The following TXNRD1 variants were observed in gnomAD, a reference collection of about 807,000 sequenced individuals.
TXNRD1 encodes thioredoxin reductase 1, cytoplasmic.
A neutral mutation model predicts 80.3 loss-of-function variants in TXNRD1; 57 were observed. The observed-to-expected ratio is 0.71, with a 90% CI of 0.57 to 0.89. The LOEUF (loss-of-function observed/expected upper bound fraction) is 0.89. TXNRD1 is among the 40% of genes least tolerant of loss of function. The probability of loss-of-function intolerance (pLI) is 0.00; values close to 1 mark genes in which losing one functional copy is unlikely to be tolerated. For synonymous variants in TXNRD1, 291 were observed against 285.2 expected (o/e 1.02, Z -0.20); for missense variants, 730 against 803.0 (o/e 0.91, Z 1.10).
At chr12:104,314,738 C>CT (rs11330431) in intron 6 of TXNRD1, among the ~76,000 whole-genome samples, 2,060 of 103,658 alleles carry the variant, frequency 0.02, 38 homozygotes, top group African/African-American at 0.035. Flanking sequence ...AAATTTTTTT[C>CT]TTTTTTTTTT....
At position 104,304,242 on chromosome 12, in the gene TXNRD1, A is replaced by T. The variant is rs1414653712; in HGVS notation, c.415-7048A>T. 1.2e-6 allele frequency: 2 copies of T among 1,614,048 alleles called. No homozygotes were observed. The highest frequency in any genetic ancestry group is 1.7e-6 in the Non-Finnish European group (2 of 1,179,906). ...ATGGCTTCTGATTTGGGTAAAGAAA[A>T]GGCAAAGCAGTTAAACTCAGATATG... On this transcript the variant is annotated intron_variant, in intron 4 of 16. Coordinates refer to ENST00000525566, the MANE Select transcript of TXNRD1 (RefSeq NM_001093771.3).
chr12:104,222,236 C>T (rs924072930), intron 1 of TXNRD1, among the ~76,000 whole-genome samples: 5 of 152,124 alleles, frequency 3.3e-5, no homozygotes, highest in Non-Finnish European at 7.3e-5. Context: ...AAGATGGTGT[C>T]TTTTGAATGT....
At chr12:104,256,787 AAAAAG>A (rs1344779820) in intron 2 of TXNRD1, among the ~76,000 whole-genome samples, 4 of 149,094 alleles carry the variant, frequency 2.7e-5, no homozygotes, top group Admixed American at 6.7e-5. Context: ...AAAAAAAAAA[AAAAAG>A]AAAAAGAAAA....
chr12:104,347,662 G>T (rs192098851), intron 16 of TXNRD1, among the ~76,000 whole-genome samples: 1 of 152,328 alleles, frequency 6.6e-6, no homozygotes, highest in Admixed American at 6.5e-5. Flanking sequence ...GCAACAGCTT[G>T]GATGGCCAGC....
chr12:104,327,523 A>C lies in TXNRD1; in HGVS notation c.1394A>C (p.Lys465Thr). 6.2e-7 allele frequency: 1 copy of C among 1,611,762 alleles called. No homozygotes were observed. The highest frequency in any genetic ancestry group is 1.3e-5 in the African/African-American group (1 of 74,992). Residue 465 changes from lysine to threonine, a missense_variant, in exon 13 of 17, where the codon AAA (lysine) becomes ACA (threonine). Coordinates refer to ENST00000525566, the MANE Select transcript of TXNRD1 (RefSeq NM_001093771.3). Reference protein sequence around the residue: ...VGVKINEKTGKIPVTDEEQTN... With the variant: ...VGVKINEKTGTIPVTDEEQTN... ...ACTGAATAAAATTGCAGGACTGGAAAAATACCTGTCACAGATGAAGAACAG... is the reference window on the plus strand; with the variant it reads ...ACTGAATAAAATTGCAGGACTGGAACAATACCTGTCACAGATGAAGAACAG...
chr12:104,267,699 T>TTCTTTCTTTCTTTCTTTCTTTCTCTCTC (rs1555209251), intron 3 of TXNRD1, among the ~76,000 whole-genome samples: 1 of 46,416 alleles, frequency 2.2e-5, no homozygotes, highest in African/African-American at 7.3e-5. Flanking sequence ...CTTTCTTTCT[T>TTCTTTCTTTCTTTCTTTCTTTCTCTCTC]TCTCTCTTTC....
rs2035521318 is a variant in TXNRD1, at chr12:104,321,277, A to T, written c.1176A>T (p.Glu392Asp). ...MANKIGEHMEEHGIKFIRQFV... is the reference protein window; with the variant it reads ...MANKIGEHMEDHGIKFIRQFV... The stretch of plus-strand genomic sequence containing the variant: ...ACAAAATTGGTGAACACATGGAAGA[A>T]CATGGCATCAAGTTTATAAGACAGT... Residue 392 changes from glutamate (E) to aspartate (D), a missense_variant, in exon 10 of 17, where the codon GAA (glutamate) becomes GAT (aspartate). Physicochemically the swap from Glu to Asp is conservative, Grantham distance 45 (BLOSUM62 2). Transcript: ENST00000525566. 1 of 1,613,872 alleles carries T rather than the reference A, an allele frequency of 6.2e-7. No homozygotes were observed. Among genetic ancestry groups the T allele is most frequent in the African/African-American group, 1.3e-5 (1 of 74,930 alleles).
chr12:104,317,365 C>A (rs1219777582), intron 7 of TXNRD1, among the ~76,000 whole-genome samples: 1 of 116,304 alleles, frequency 8.6e-6, no homozygotes. Context: ...TCTGCAGTTA[C>A]TTTTTTTTTT....
intron 13 of TXNRD1, among the ~76,000 whole-genome samples, chr12:104,330,794 G>A (rs112998552): frequency 6.6e-6 from 1 of 152,116 alleles, no homozygotes; most frequent in African/African-American, 2.4e-5. Context: ...CACCATGTTA[G>A]CCAGGCTGGT....
Position 104,348,450 on chromosome 12 carries a change from T to A in TXNRD1, c.*29T>A. 6.2e-7 allele frequency: 1 copy of A among 1,610,330 alleles called. No individual in the cohort carries two copies. Among genetic ancestry groups the A allele is most frequent in the Non-Finnish European group, 8.5e-7 (1 of 1,176,972 alleles). On this transcript the variant is annotated 3_prime_UTR_variant, in exon 17 of 17. Transcript: ENST00000525566. ...CCAGTGTGGATGCTGTTGCCAAGAC[T>A]GCAAACCACTGGCTCGTTTCCGTGC... is the stretch of plus-strand genomic sequence containing the variant.
intron 4 of TXNRD1, among the ~76,000 whole-genome samples, chr12:104,300,495 T>C (rs961063305): frequency 1.3e-5 from 2 of 152,224 alleles, no homozygotes; most frequent in Admixed American, 1.3e-4. Context: ...TGCAGTTTCT[T>C]CTTTTTAAGC....
chr12:104,232,975 T>A (rs149677370), intron 1 of TXNRD1, among the ~76,000 whole-genome samples: 180 of 152,238 alleles, frequency 1.2e-3, no homozygotes, highest in African/African-American at 3.9e-3. Context: ...AACTTAAAAC[T>A]TTCCTAAATA....
At position 104,331,563 on chromosome 12, in the gene TXNRD1, ATTTACTCC is replaced by A; in HGVS notation, c.1576_1583del (p.Thr526GlyfsTer9). ...ACTATGAAAATGTTCCAACCACTGT[ATTTACTCC>A]TTTGGAATATGGTGCTTGTGGCCTT... On this transcript the variant is annotated frameshift_variant, in exon 14 of 17. Coordinates refer to ENST00000525566, the MANE Select transcript of TXNRD1 (RefSeq NM_001093771.3). LOFTEE classifies it high-confidence loss of function. 6.2e-7 allele frequency: 1 copy of A among 1,611,882 alleles called. No individual in the cohort carries two copies. Among genetic ancestry groups the A allele is most frequent in the Non-Finnish European group, 8.5e-7 (1 of 1,178,824 alleles).
At chr12:104,317,237 T>A (rs1486665475) in intron 7 of TXNRD1, among the ~76,000 whole-genome samples, 2 of 152,106 alleles carry the variant, frequency 1.3e-5, no homozygotes, top group African/African-American at 4.8e-5. Flanking sequence ...AAACAGCAAG[T>A]CCTGAGCCTT....
chr12:104,227,974 GT>G (rs2135680184), intron 1 of TXNRD1, among the ~76,000 whole-genome samples: 1 of 152,100 alleles, frequency 6.6e-6, no homozygotes, highest in African/African-American at 2.4e-5. Flanking sequence ...TGATTATAGA[GT>G]TGCTATAAGC....
intron 3 of TXNRD1, among the ~76,000 whole-genome samples, chr12:104,261,065 G>A (rs546328689): frequency 3.6e-4 from 55 of 151,916 alleles, no homozygotes; most frequent in African/African-American, 1.2e-3. Flanking sequence ...TTTAATACAT[G>A]TATGAACTTT....
chr12:104,320,433 C>T lies in TXNRD1; in HGVS notation c.990-658C>T, dbSNP rs1052651356. Among the ~76,000 whole-genome samples the T allele has an allele frequency of 7.9e-5, 12 of 152,138 alleles. 1 individual carries two copies. Among genetic ancestry groups the T allele is most frequent in the Non-Finnish European group, 7.4e-5 (5 of 68,026 alleles). On this transcript the variant is annotated intron_variant, in intron 9 of 16. Coordinates refer to ENST00000525566, the MANE Select transcript of TXNRD1 (RefSeq NM_001093771.3). Reference sequence around the variant, plus strand: ...ATGGCCTAATCACCTCCCAAAAGCCCAACCCCTAATATCATTGCCTTGGGG... The same window carrying T: ...ATGGCCTAATCACCTCCCAAAAGCCTAACCCCTAATATCATTGCCTTGGGG...
chr12:104,322,169 G>A (rs539625759), intron 10 of TXNRD1, among the ~76,000 whole-genome samples: 4 of 151,948 alleles, frequency 2.6e-5, no homozygotes, highest in Admixed American at 2.0e-4. Context: ...CTCTGAACCC[G>A]TTTCTTCTGT....
chr12:104,222,280 T>C (rs1464794017), intron 1 of TXNRD1, among the ~76,000 whole-genome samples: 3 of 152,132 alleles, frequency 2.0e-5, no homozygotes, highest in African/African-American at 7.2e-5. Flanking sequence ...CAGTTTTTCT[T>C]AGATAGTAAC....
Sources: gnomAD v4.1 joint callset for allele counts (sites outside exome capture counted in the v4.1 genomes callset) on GRCh38, gnomAD v4.1.1 for gene constraint, MANE v1.5 for transcripts, NCBI Gene and HGNC (gene_info 2026-07-23, HGNC 2026-07-21) for gene names.